Variants in ADAMTSL1 observed in about 807,000 individuals in gnomAD.
ADAMTSL1 encodes ADAMTS-like protein 1.
Under a neutral mutation model 201.8 loss-of-function variants are expected in ADAMTSL1, and 126 were observed. That is an observed-to-expected ratio of 0.62 (90% confidence interval 0.54 to 0.72). The LOEUF is 0.72. Ranked by LOEUF, ADAMTSL1 falls within the 30% of genes least tolerant of loss-of-function variation. The pLI is 0.00. For missense variants in ADAMTSL1, 2,679 were observed against 2,277.8 expected (o/e 1.18, Z -3.59); for synonymous variants, 1,121 against 903.4 (o/e 1.24, Z -4.32).
chr9:18,372,793 T>A (rs1837104922), intron 2 of ADAMTSL1, among the ~76,000 whole-genome samples: 1 of 152,230 alleles, frequency 6.6e-6, no homozygotes, highest in African/African-American at 2.4e-5. Flanking sequence ...GCTTTCTGTA[T>A]ACCTAACCAC....
intron 2 of ADAMTSL1, among the ~76,000 whole-genome samples, chr9:18,527,700 T>C (rs1174174013): frequency 6.6e-6 from 1 of 152,188 alleles, no homozygotes; most frequent in Non-Finnish European, 1.5e-5. Context: ...ATCCAGTATA[T>C]ACTAATCTCT....
At chr9:18,287,700 G>T (rs1833070537) in intron 2 of ADAMTSL1, among the ~76,000 whole-genome samples, 1 of 144,170 alleles carries the variant, frequency 6.9e-6, no homozygotes, top group South Asian at 2.1e-4. Context: ...TTACATATAT[G>T]TACATATATT....
chr9:17,927,761 C>G (rs772412521), intron 1 of ADAMTSL1, among the ~76,000 whole-genome samples: 3 of 151,954 alleles, frequency 2.0e-5, no homozygotes, highest in Non-Finnish European at 4.4e-5. Flanking sequence ...GCCAATATTA[C>G]ACAATATAAG....
chr9:18,175,110 T>C (rs1261061497), intron 2 of ADAMTSL1, among the ~76,000 whole-genome samples: 1 of 152,208 alleles, frequency 6.6e-6, no homozygotes, highest in Non-Finnish European at 1.5e-5. Flanking sequence ...GCTGAAAACC[T>C]GAGGAGGGGT....
chr9:18,175,166 T>G (rs1312604138), intron 2 of ADAMTSL1, among the ~76,000 whole-genome samples: 1 of 152,224 alleles, frequency 6.6e-6, no homozygotes. Flanking sequence ...TGTGAGACTT[T>G]AGGCAAGTCA....
chr9:17,998,461 A>T (rs1367659607), intron 1 of ADAMTSL1, among the ~76,000 whole-genome samples: 1 of 152,052 alleles, frequency 6.6e-6, no homozygotes, highest in Non-Finnish European at 1.5e-5. Context: ...ATACCAAGCA[A>T]AGTGAAGAAA....
At position 18,242,731 on chromosome 9, in the gene ADAMTSL1, A is replaced by G. The variant is rs528080462; in HGVS notation, c.207+78750A>G. Among the ~76,000 whole-genome samples the G allele has an allele frequency of 2.6e-5, 4 of 152,268 alleles. No homozygotes were observed. In the South Asian group the frequency reaches 8.3e-4, roughly 32 times the overall value. On this transcript the variant is annotated intron_variant, in intron 2 of 29. Transcript: ENST00000680146. ...ACACAAATCACAACCTAATTGAAAA[A>G]ATTGATAAAACAATCCCATTTATGA...
At chr9:18,495,076 G>A (rs1822466322) in intron 1 of ADAMTSL1, among the ~76,000 whole-genome samples, 1 of 152,152 alleles carries the variant, frequency 6.6e-6, no homozygotes, top group South Asian at 2.1e-4. Context: ...GGGTGAGAAT[G>A]GAAGAGAGAG....
At chr9:18,439,191 T>G (rs1819886734) in intron 2 of ADAMTSL1, among the ~76,000 whole-genome samples, 1 of 152,184 alleles carries the variant, frequency 6.6e-6, no homozygotes, top group Non-Finnish European at 1.5e-5. Flanking sequence ...CTCATCATGG[T>G]CTAGAAACAA....
intron 1 of ADAMTSL1, among the ~76,000 whole-genome samples, chr9:17,907,642 G>A (rs926360707): frequency 6.6e-6 from 1 of 152,184 alleles, no homozygotes; most frequent in Non-Finnish European, 1.5e-5. Context: ...GAGGCGGCGC[G>A]GAAGGGCCCT....
At chr9:17,928,847 A>G (rs559711950) in intron 1 of ADAMTSL1, among the ~76,000 whole-genome samples, 1 of 152,242 alleles carries the variant, frequency 6.6e-6, no homozygotes, top group Non-Finnish European at 1.5e-5. Flanking sequence ...AACTAATTGC[A>G]CACATGGCAT....
chr9:18,655,762 GT>G (rs1156869996), intron 7 of ADAMTSL1, among the ~76,000 whole-genome samples: 4 of 132,132 alleles, frequency 3.0e-5, no homozygotes, highest in African/African-American at 6.0e-5. Context: ...ACTTTCCAGT[GT>G]GATAACCACA....
At chr9:18,013,433 C>A (rs1820134240) in intron 1 of ADAMTSL1, among the ~76,000 whole-genome samples, 1 of 151,958 alleles carries the variant, frequency 6.6e-6, no homozygotes, top group South Asian at 2.1e-4. Context: ...AGATGGAGGT[C>A]TGTACAGTCT....
intron 1 of ADAMTSL1, among the ~76,000 whole-genome samples, chr9:17,966,658 T>C (rs1389676442): frequency 6.6e-6 from 1 of 152,214 alleles, no homozygotes; most frequent in Non-Finnish European, 1.5e-5. Flanking sequence ...CATCTCTTTA[T>C]TTCCTTACAA....
intron 3 of ADAMTSL1, among the ~76,000 whole-genome samples, chr9:18,542,654 G>A (rs1015367924): frequency 6.6e-6 from 1 of 152,070 alleles, no homozygotes; most frequent in African/African-American, 2.4e-5. Flanking sequence ...GCAGACCCCT[G>A]ATGTTGGCCT....
chr9:18,643,868 T>G (rs989332205), intron 7 of ADAMTSL1, among the ~76,000 whole-genome samples: 1 of 152,028 alleles, frequency 6.6e-6, no homozygotes, highest in Non-Finnish European at 1.5e-5. Context: ...TTTGGGGTAT[T>G]TTGTGGTTCC....
chr9:18,765,017 A>AGTT (rs1231820793), intron 16 of ADAMTSL1, among the ~76,000 whole-genome samples: 2 of 152,194 alleles, frequency 1.3e-5, no homozygotes, highest in African/African-American at 4.8e-5. Flanking sequence ...ACTTATGTTC[A>AGTT]TTATCTACTT....
chr9:18,141,240 G>A (rs1418619277), intron 1 of ADAMTSL1, among the ~76,000 whole-genome samples: 1 of 152,156 alleles, frequency 6.6e-6, no homozygotes, highest in East Asian at 1.9e-4. Context: ...CAGTGAGAAG[G>A]GGAGGAGAGT....
At chr9:18,581,980 A>G (rs965585788) in intron 4 of ADAMTSL1, among the ~76,000 whole-genome samples, 2 of 152,162 alleles carry the variant, frequency 1.3e-5, no homozygotes, top group African/African-American at 4.8e-5. Flanking sequence ...GGCTGTCAGT[A>G]TTTCTGCTGG....
Sources: gnomAD v4.1 joint callset for allele counts (sites outside exome capture counted in the v4.1 genomes callset) on GRCh38, gnomAD v4.1.1 for gene constraint, MANE v1.5 for transcripts, NCBI Gene and HGNC (gene_info 2026-07-23, HGNC 2026-07-21) for gene names.